SPATA31H1: variants seen among roughly 807,000 people sequenced by gnomAD.
SPATA31H1 encodes the protein spermatogenesis-associated protein 31H1.
chr2:27,580,824 G>C, the SPATA31H1 span: 14 of 1,614,098 alleles, frequency 8.7e-6, no homozygotes, highest in African/African-American at 1.7e-4. Context: ...GCTAACGCCA[G>C]CAGGCTCAAC....
At chr2:27,565,019 C>T in the SPATA31H1 span, among the ~76,000 whole-genome samples, 581 of 152,198 alleles carry the variant, frequency 3.8e-3, 1 homozygote, top group Non-Finnish European at 6.7e-3. Context: ...ATGCTGATCT[C>T]GGTGATGTTC....
chr2:27,564,802 C>CA, the SPATA31H1 span, among the ~76,000 whole-genome samples: 53 of 141,068 alleles, frequency 3.8e-4, no homozygotes, highest in East Asian at 1.2e-3. Flanking sequence ...GACTCCATCT[C>CA]AAAAAAAAAA....
the SPATA31H1 span, chr2:27,581,503 G>A: frequency 1.3e-6 from 2 of 1,581,672 alleles, no homozygotes; most frequent in South Asian, 2.2e-5. Context: ...CCCTCTCAGA[G>A]AAGACATCAC....
At chr2:27,580,309 CA>C in the SPATA31H1 span, 12 of 1,614,142 alleles carry the variant, frequency 7.4e-6, no homozygotes, top group Non-Finnish European at 1.0e-5. Flanking sequence ...GTAGAAAAGA[CA>C]AAAACTAGAG....
the SPATA31H1 span, chr2:27,571,248 A>G: frequency 7.5e-6 from 3 of 398,422 alleles, no homozygotes; most frequent in Non-Finnish European, 1.3e-5. Context: ...CCCGGGCTCA[A>G]AGCTTCAATC....
At chr2:27,572,252 C>G in the SPATA31H1 span, 1 of 398,418 alleles carries the variant, frequency 2.5e-6, no homozygotes, top group Non-Finnish European at 4.4e-6. Context: ...AAGTGAAACC[C>G]TTGGGCTCGA....
the SPATA31H1 span, chr2:27,576,601 A>G: frequency 8.2e-6 from 13 of 1,593,112 alleles, no homozygotes; most frequent in African/African-American, 1.5e-4. Context: ...GCCCAACAGC[A>G]AGGTATAAAT....
chr2:27,574,486 T>C, the SPATA31H1 span: 2 of 398,364 alleles, frequency 5.0e-6, no homozygotes, highest in Admixed American at 4.4e-5. Context: ...GATCTGATCA[T>C]GGGTATAAAG....
At chr2:27,537,997 C>A in the SPATA31H1 span, among the ~76,000 whole-genome samples, 1 of 152,026 alleles carries the variant, frequency 6.6e-6, no homozygotes, top group Non-Finnish European at 1.5e-5. Context: ...CAGTGGAAAC[C>A]TTTTAAAAAA....
At chr2:27,566,008 T>C in the SPATA31H1 span, 1 of 717,228 alleles carries the variant, frequency 1.4e-6, no homozygotes, top group Non-Finnish European at 2.6e-6. Flanking sequence ...TCATCAATAG[T>C]CATGAGGCTG....
the SPATA31H1 span, chr2:27,580,518 AG>A: frequency 3.1e-6 from 5 of 1,614,230 alleles, no homozygotes; most frequent in Non-Finnish European, 4.2e-6. Context: ...GAGTCCTTCT[AG>A]GGAATTAGCA....
chr2:27,543,107 A>G, the SPATA31H1 span, among the ~76,000 whole-genome samples: 1 of 151,934 alleles, frequency 6.6e-6, no homozygotes, highest in Non-Finnish European at 1.5e-5. Context: ...GAAAACAAAC[A>G]AACATAACAC....
At chr2:27,546,973 T>C in the SPATA31H1 span, among the ~76,000 whole-genome samples, 2 of 152,168 alleles carry the variant, frequency 1.3e-5, no homozygotes, top group Admixed American at 6.5e-5. Flanking sequence ...TCCAGCACCA[T>C]TTATTGAAAA....
chr2:27,572,455 T>C, the SPATA31H1 span: 1 of 398,276 alleles, frequency 2.5e-6, no homozygotes, highest in Non-Finnish European at 4.4e-6. Flanking sequence ...TTGGGAGATA[T>C]GATAGCATCT....
the SPATA31H1 span, among the ~76,000 whole-genome samples, chr2:27,547,255 C>A: frequency 6.6e-6 from 1 of 151,234 alleles, no homozygotes; most frequent in Admixed American, 6.6e-5. Flanking sequence ...CTCACTGCAA[C>A]TTCCGCCTTC....
chr2:27,567,758 G>T, the SPATA31H1 span: 1 of 399,084 alleles, frequency 2.5e-6, no homozygotes, highest in Non-Finnish European at 4.4e-6. Flanking sequence ...CAGAAAAAAG[G>T]ATACAGCAGC....
At chr2:27,575,465 T>C in the SPATA31H1 span, 1 of 398,550 alleles carries the variant, frequency 2.5e-6, no homozygotes, top group Non-Finnish European at 4.4e-6. The surrounding 1 kb of genome is among the most constrained non-coding windows in gnomAD (Gnocchi z 4.1). Flanking sequence ...GTGTGAAATC[T>C]TCTGAGTTGT....
chr2:27,554,038 A>G, the SPATA31H1 span, among the ~76,000 whole-genome samples: 16 of 152,226 alleles, frequency 1.1e-4, no homozygotes, highest in African/African-American at 3.4e-4. Flanking sequence ...TTGCCACTTT[A>G]TAAGGACCAC....
the SPATA31H1 span, among the ~76,000 whole-genome samples, chr2:27,547,642 G>A: frequency 3.3e-5 from 5 of 151,926 alleles, no homozygotes; most frequent in African/African-American, 7.3e-5. Context: ...AAAATAATAA[G>A]CCTTCTGATC....
Sources: gnomAD v4.1 joint callset for allele counts (sites outside exome capture counted in the v4.1 genomes callset) on GRCh38, gnomAD v4.1.1 for gene constraint, Gnocchi (gnomAD v3.1) non-coding constraint, MANE v1.5 for transcripts, NCBI Gene and HGNC (gene_info 2026-07-23, HGNC 2026-07-21) for gene names.